Variants in EPB41L4A observed in about 807,000 individuals in gnomAD.
EPB41L4A encodes erythrocyte membrane protein band 4.1 like 4A.
EPB41L4A carries 100 observed loss-of-function variants against 108.6 expected under a neutral mutation model. The ratio of observed to expected loss-of-function variants is 0.92; its 90% CI spans 0.78 to 1.09. The LOEUF (loss-of-function observed/expected upper bound fraction) is 1.09. Among genes scored for constraint, EPB41L4A ranks in the 50% least tolerant of loss-of-function variants. The pLI is 0.00. For synonymous variants in EPB41L4A, 319 were observed against 289.0 expected (o/e 1.10, Z -1.05); for missense variants, 1,030 against 842.7 (o/e 1.22, Z -2.75).
chr5:112,217,940 T>C (rs1747767431), intron 12 of EPB41L4A, among the ~76,000 whole-genome samples: 1 of 152,178 alleles, frequency 6.6e-6, no homozygotes, highest in Non-Finnish European at 1.5e-5. Context: ...CAATTTCCTC[T>C]TCCCAGACCC....
At chr5:112,236,215 C>T (rs1356832537) in intron 11 of EPB41L4A, among the ~76,000 whole-genome samples, 1 of 152,058 alleles carries the variant, frequency 6.6e-6, no homozygotes, top group African/African-American at 2.4e-5. Context: ...AAAATCATAT[C>T]CTAAGATTAA....
chr5:112,240,904 A>G lies in EPB41L4A; in HGVS notation c.796-94T>C, dbSNP rs1049904577. The G allele has an allele frequency of 5.8e-6, 4 of 683,772 alleles. No individual in the cohort carries two copies. The African/African-American group carries it at 7.7e-5, about 13-fold the overall frequency. 42.4% of individuals were successfully genotyped at this position (683,772 alleles called of 1,614,324 possible). On this transcript the variant is annotated intron_variant, in intron 9 of 22. Coordinates refer to ENST00000261486, the MANE Select transcript of EPB41L4A (RefSeq NM_022140.5). ...GCCCCCTTTAAGTAACAAAAATTCA[A>G]GCAGAGAGATTATTGATAATATATA...
intron 1 of EPB41L4A, among the ~76,000 whole-genome samples, chr5:112,357,310 C>G (rs1338578800): frequency 6.6e-6 from 1 of 152,204 alleles, no homozygotes; most frequent in Non-Finnish European, 1.5e-5. Flanking sequence ...CCATAATAAT[C>G]TGAATGTTGC....
At chr5:112,370,148 C>T (rs988993007) in intron 1 of EPB41L4A, among the ~76,000 whole-genome samples, 2 of 151,984 alleles carry the variant, frequency 1.3e-5, no homozygotes, top group African/African-American at 4.8e-5. Context: ...TCTCAGCCTC[C>T]TGAGTAACTG....
In EPB41L4A at chr5:112,169,849, C is replaced by T. The variant is rs181468145; in HGVS notation, c.1739+452G>A. ...GTACTGGTAAGGCAGAAAACACAGT[C>T]AACAGGTACGGTTCCTCTTACACTG... On this transcript the variant is annotated intron_variant, in intron 20 of 22. Transcript: ENST00000261486. Among the ~76,000 whole-genome samples the T allele has an allele frequency of 2.8e-3, 431 of 152,268 alleles. 1 individual carries two copies. Among genetic ancestry groups the T allele is most frequent in the African/African-American group, 1.0e-2 (414 of 41,536 alleles).
At chr5:112,210,301 C>T (rs1185559378) in intron 12 of EPB41L4A, among the ~76,000 whole-genome samples, 2 of 151,938 alleles carry the variant, frequency 1.3e-5, no homozygotes, top group Non-Finnish European at 2.9e-5. Flanking sequence ...ATATTTAGTA[C>T]CATATATTAG....
At chr5:112,165,323 T>A (rs1760178998) in intron 22 of EPB41L4A, among the ~76,000 whole-genome samples, 1 of 152,194 alleles carries the variant, frequency 6.6e-6, no homozygotes, top group Non-Finnish European at 1.5e-5. Flanking sequence ...TATACAAAGT[T>A]AGTCTGACAT....
At chr5:112,275,727 AT>A (rs1262695797) in intron 3 of EPB41L4A, among the ~76,000 whole-genome samples, 1 of 144,606 alleles carries the variant, frequency 6.9e-6, no homozygotes, top group African/African-American at 2.6e-5. Context: ...AAGAAAAAAA[AT>A]AAATGGTTTA....
chr5:112,288,821 G>A (rs1375693673), intron 2 of EPB41L4A, among the ~76,000 whole-genome samples: 1 of 151,746 alleles, frequency 6.6e-6, no homozygotes, highest in Non-Finnish European at 1.5e-5. Context: ...GATTAGAGGA[G>A]ATGATATATC....
chr5:112,360,108 C>T (rs530642552), intron 1 of EPB41L4A, among the ~76,000 whole-genome samples: 6 of 152,224 alleles, frequency 3.9e-5, no homozygotes, highest in African/African-American at 9.6e-5. Flanking sequence ...GCTACAGATT[C>T]AATAGGAATC....
At position 112,205,514 on chromosome 5, in the gene EPB41L4A, T is replaced by A. The variant is rs143761803; in HGVS notation, c.1179-10A>T. On this transcript the variant is annotated splice_polypyrimidine_tract_variant and intron_variant, in intron 13 of 22. Transcript: ENST00000261486. ...CTTTGCTTTCTTAAAGCTTTAATTT[T>A]AAAAAAAAGTATGAGAAATAAATTA... The A allele has an allele frequency of 4.0e-4, 620 of 1,556,570 alleles. 2 individuals carry two copies. The African/African-American group carries it at 7.1e-3, about 18-fold the overall frequency.
chr5:112,297,220 T>C (rs1280689719), intron 2 of EPB41L4A, among the ~76,000 whole-genome samples: 1 of 152,218 alleles, frequency 6.6e-6, no homozygotes, highest in Non-Finnish European at 1.5e-5. Context: ...TCCACACTGT[T>C]TTCCATAGTG....
intron 1 of EPB41L4A, among the ~76,000 whole-genome samples, chr5:112,371,525 G>C (rs1033738176): frequency 6.6e-6 from 1 of 152,116 alleles, no homozygotes; most frequent in African/African-American, 2.4e-5. Flanking sequence ...AGCCACATCT[G>C]GCTGGTCTTG....
At chr5:112,228,770 G>A (rs1032091290) in intron 12 of EPB41L4A, 54 of 984,748 alleles carry the variant, frequency 5.5e-5, no homozygotes, top group African/African-American at 1.6e-4. Context: ...TCCTCCTGCC[G>A]TCCCTTTTCT....
Position 112,343,803 on chromosome 5 carries a change from A to T in EPB41L4A, c.100-36313T>A, listed in dbSNP as rs181096062. ...ACTGTTTCTGAAAACAGACTCAACCAATTACAATGCACAGCCCTCTTTTAT... is the reference window on the plus strand; with the variant it reads ...ACTGTTTCTGAAAACAGACTCAACCTATTACAATGCACAGCCCTCTTTTAT... On this transcript the variant is annotated intron_variant, in intron 1 of 22. Coordinates refer to ENST00000261486, the MANE Select transcript of EPB41L4A (RefSeq NM_022140.5). Among the ~76,000 whole-genome samples the T allele has an allele frequency of 3.7e-4, 57 of 152,324 alleles. 1 individual carries two copies. Among genetic ancestry groups the T allele is most frequent in the African/African-American group, 1.3e-3 (56 of 41,572 alleles).
At chr5:112,221,459 T>C (rs1267112599) in intron 12 of EPB41L4A, among the ~76,000 whole-genome samples, 1 of 152,238 alleles carries the variant, frequency 6.6e-6, no homozygotes, top group African/African-American at 2.4e-5. Flanking sequence ...GGACAAGTTA[T>C]TAAACTACTT....
chr5:112,195,121 C>A (rs1218643436), intron 16 of EPB41L4A, among the ~76,000 whole-genome samples: 1 of 152,094 alleles, frequency 6.6e-6, no homozygotes, highest in East Asian at 1.9e-4. Context: ...CCAGGACTAG[C>A]CCCTTAACCG....
At chr5:112,289,649 G>T (rs901969884) in intron 2 of EPB41L4A, among the ~76,000 whole-genome samples, 1 of 152,216 alleles carries the variant, frequency 6.6e-6, no homozygotes, top group Non-Finnish European at 1.5e-5. Context: ...AACACAGAGA[G>T]TCCACAAGTA....
intron 12 of EPB41L4A, among the ~76,000 whole-genome samples, chr5:112,219,602 T>A (rs1019862918): frequency 5.9e-5 from 9 of 152,202 alleles, no homozygotes; most frequent in Admixed American, 3.3e-4. Flanking sequence ...TGTAAAAAAT[T>A]TCTTCTGAAC....
Sources: allele counts gnomAD v4.1 joint callset (sites outside exome capture counted in the v4.1 genomes callset), GRCh38; gene constraint gnomAD v4.1.1; transcripts MANE v1.5; gene names NCBI Gene and HGNC (gene_info 2026-07-23, HGNC 2026-07-21).